UBXN2A: variants seen among roughly 807,000 people sequenced by gnomAD.
UBXN2A encodes UBX domain protein 2A, also known as UBX domain-containing protein 2A.
A neutral mutation model predicts 28.4 loss-of-function variants in UBXN2A; 28 were observed. The ratio of observed to expected loss-of-function variants is 0.99; its 90% CI spans 0.73 to 1.35. The LOEUF (loss-of-function observed/expected upper bound fraction) is 1.35. Ranked by LOEUF, UBXN2A falls within the 40% of genes most tolerant of loss-of-function variation. The pLI is 0.00. For missense variants in UBXN2A, 253 were observed against 297.9 expected, an observed-to-expected ratio of 0.85 and a Z score of 1.11; for synonymous variants, 97 against 103.6, an observed-to-expected ratio of 0.94 and a Z score of 0.39.
At chr2:23,942,021 A>C (rs1705784296) in intron 1 of UBXN2A, among the ~76,000 whole-genome samples, 1 of 152,226 alleles carries the variant, frequency 6.6e-6, no homozygotes, top group African/African-American at 2.4e-5. Flanking sequence ...TAGAGGTTGC[A>C]GTGAGCCAAG....
intron 2 of UBXN2A, among the ~76,000 whole-genome samples, chr2:23,961,144 G>A (rs1349977985): frequency 6.6e-6 from 1 of 151,610 alleles, no homozygotes; most frequent in Non-Finnish European, 1.5e-5. Flanking sequence ...CACCCAGGCT[G>A]GGGTGCAGTG....
At position 24,002,207 on chromosome 2, in the gene UBXN2A, C is replaced by T. The variant is rs908049886; in HGVS notation, c.*2340C>T. The stretch of plus-strand genomic sequence containing the variant: ...ATCACCTGAGGTCAGGAGTTCGAGA[C>T]CAGCCTGGTCAATGTGGTGAAACCA... On this transcript the variant is annotated 3_prime_UTR_variant, in exon 7 of 7. Coordinates refer to ENST00000309033, the MANE Select transcript of UBXN2A (RefSeq NM_181713.4). 1.2e-4 allele frequency: 18 copies of T among 152,008 alleles called. No individual in the cohort carries two copies. The highest frequency in any genetic ancestry group is 4.3e-4 in the African/African-American group (18 of 41,390). 9.4% of individuals were successfully genotyped at this position (152,008 alleles called of 1,614,324 possible).
chr2:23,995,386 T>G (rs1708489497), intron 6 of UBXN2A, among the ~76,000 whole-genome samples: 2 of 152,106 alleles, frequency 1.3e-5, no homozygotes, highest in Non-Finnish European at 2.9e-5. Context: ...TAGACGCTCC[T>G]TGACTTATGA....
intron 1 of UBXN2A, chr2:23,944,428 A>G (rs944231806): frequency 2.0e-6 from 2 of 997,540 alleles, no homozygotes; most frequent in East Asian, 5.3e-5. Flanking sequence ...TCTTATCTCC[A>G]CCCTGGGAAA....
At chr2:23,950,806 C>T (rs956261158) in intron 1 of UBXN2A, among the ~76,000 whole-genome samples, 1 of 151,978 alleles carries the variant, frequency 6.6e-6, no homozygotes, top group African/African-American at 2.4e-5. Context: ...CGGGTTCAAG[C>T]GATTCTCCTG....
intron 1 of UBXN2A, among the ~76,000 whole-genome samples, chr2:23,942,568 G>A (rs942392862): frequency 6.6e-5 from 10 of 151,048 alleles, no homozygotes; most frequent in East Asian, 2.0e-4. Context: ...TATAATGCGC[G>A]CCACCATGCC....
rs549866902 is a variant in UBXN2A at position 23,987,560 on chromosome 2, C to T, written c.584+2729C>T. ...TTGGGAGGCCGAGGTGAGCAGATTA[C>T]GAGGTCAGGAGATGGAGACCATCCT... On this transcript the variant is annotated intron_variant, in intron 6 of 6. Coordinates refer to ENST00000309033, the MANE Select transcript of UBXN2A (RefSeq NM_181713.4). 2.8e-4 allele frequency among the ~76,000 whole-genome samples: 42 copies of T among 152,020 alleles called. 2 individuals carry two copies. The highest frequency in any genetic ancestry group is 1.9e-3 in the Admixed American group (29 of 15,250).
intron 6 of UBXN2A, among the ~76,000 whole-genome samples, chr2:23,998,711 A>G (rs1708634984): frequency 6.6e-6 from 1 of 151,836 alleles, no homozygotes; most frequent in African/African-American, 2.4e-5. Context: ...ACAGAGCTAG[A>G]CTCCATCTCA....
At chr2:23,948,314 C>T (rs1421978126) in intron 1 of UBXN2A, among the ~76,000 whole-genome samples, 7 of 143,658 alleles carry the variant, frequency 4.9e-5, no homozygotes, top group African/African-American at 1.8e-4. Context: ...AGTGCAGTGG[C>T]GTGATCTCGG....
chr2:23,931,677 T>C (rs1399629137), intron 1 of UBXN2A, among the ~76,000 whole-genome samples: 1 of 152,168 alleles, frequency 6.6e-6, no homozygotes, highest in Non-Finnish European at 1.5e-5. Flanking sequence ...TCATTTCCAA[T>C]GCATTTGCTC....
chr2:23,958,375 AT>A lies in UBXN2A; in HGVS notation c.41+22del. Reference sequence around the variant, plus strand: ...AGAATGGTAAGTTAATTCAAACTGAATTGCTTTGTTAATGCCTTTGTTAATA... The same window carrying A: ...AGAATGGTAAGTTAATTCAAACTGAATGCTTTGTTAATGCCTTTGTTAATA... On this transcript the variant is annotated intron_variant, in intron 2 of 6. Transcript: ENST00000309033. 6.3e-7 allele frequency: 1 copy of A among 1,594,344 alleles called. No individual in the cohort carries two copies. The highest frequency in any genetic ancestry group is 8.5e-7 in the Non-Finnish European group (1 of 1,172,356).
intron 4 of UBXN2A, among the ~76,000 whole-genome samples, chr2:23,981,439 C>G (rs923496977): frequency 1.7e-5 from 2 of 118,376 alleles, no homozygotes; most frequent in Non-Finnish European, 3.2e-5. Context: ...GTTGTTGCCA[C>G]TGGACTCCAG....
chr2:23,978,566 C>G (rs926309436), intron 4 of UBXN2A, among the ~76,000 whole-genome samples: 2 of 151,946 alleles, frequency 1.3e-5, no homozygotes, highest in African/African-American at 4.8e-5. Context: ...ATGGCTTGAA[C>G]CTGGGAGGCG....
At chr2:23,933,383 G>A (rs978213056) in intron 1 of UBXN2A, among the ~76,000 whole-genome samples, 7 of 152,094 alleles carry the variant, frequency 4.6e-5, no homozygotes, top group Admixed American at 3.9e-4. Context: ...GTGCATGCCT[G>A]TAATCCCAGC....
At chr2:23,942,684 G>T (rs1419131991) in intron 1 of UBXN2A, among the ~76,000 whole-genome samples, 4 of 151,976 alleles carry the variant, frequency 2.6e-5, no homozygotes, top group Non-Finnish European at 4.4e-5. Flanking sequence ...CTCCCAGAGT[G>T]CTGGGATTAC....
chr2:23,954,911 A>C (rs892821700), intron 1 of UBXN2A, among the ~76,000 whole-genome samples: 1 of 145,998 alleles, frequency 6.8e-6, no homozygotes, highest in African/African-American at 2.6e-5. Flanking sequence ...GGAGTGTGCC[A>C]CTGTGCCCAG....
chr2:23,975,826 A>C (rs573902310), intron 3 of UBXN2A, among the ~76,000 whole-genome samples: 2 of 152,030 alleles, frequency 1.3e-5, no homozygotes. Flanking sequence ...GGGTTTCTCC[A>C]TGTTGGTCAG....
chr2:23,954,209 A>G (rs1489214675), intron 1 of UBXN2A, among the ~76,000 whole-genome samples: 1 of 152,028 alleles, frequency 6.6e-6, no homozygotes, highest in African/African-American at 2.4e-5. Context: ...CCTCTGTCCT[A>G]CTTTCTGTCT....
chr2:23,976,192 T>C (rs1027557016), intron 3 of UBXN2A, among the ~76,000 whole-genome samples: 3 of 152,174 alleles, frequency 2.0e-5, no homozygotes, highest in Non-Finnish European at 4.4e-5. Flanking sequence ...AAAGTGTAAA[T>C]ACTGTACAGC....
Sources: allele counts gnomAD v4.1 joint callset (sites outside exome capture counted in the v4.1 genomes callset), GRCh38; gene constraint gnomAD v4.1.1; transcripts MANE v1.5; gene names NCBI Gene and HGNC (gene_info 2026-07-23, HGNC 2026-07-21).